The following MITF variants were observed in gnomAD, a reference collection of about 807,000 sequenced individuals.
MITF encodes the protein melanocyte inducing transcription factor, also known as microphthalmia-associated transcription factor.
A neutral mutation model predicts 60.5 loss-of-function variants in MITF; 17 were observed. The ratio of observed to expected loss-of-function variants is 0.28; its 90% CI spans 0.19 to 0.42. MITF has a LOEUF of 0.42. Ranked by LOEUF, MITF falls within the 10% of genes least tolerant of loss-of-function variation. The probability of loss-of-function intolerance (pLI) is 1.00; values close to 1 mark genes in which losing one functional copy is unlikely to be tolerated. For synonymous variants in MITF, 260 were observed against 248.5 expected (o/e 1.05, Z -0.43); for missense variants, 622 against 683.5 (o/e 0.91, Z 1.00).
At chr3:69,810,675 G>A (rs1465181504) in intron 1 of MITF, among the ~76,000 whole-genome samples, 1 of 152,124 alleles carries the variant, frequency 6.6e-6, no homozygotes, top group Non-Finnish European at 1.5e-5. Flanking sequence ...CAGTGACAAG[G>A]AAATAATAAT....
chr3:69,799,495 C>G (rs567951425), intron 1 of MITF, among the ~76,000 whole-genome samples: 1 of 152,194 alleles, frequency 6.6e-6, no homozygotes, highest in South Asian at 2.1e-4. Flanking sequence ...TTACAATATT[C>G]TTTTTACCTG....
chr3:69,919,776 C>A (rs1392456463), intron 2 of MITF, among the ~76,000 whole-genome samples: 1 of 151,030 alleles, frequency 6.6e-6, no homozygotes, highest in African/African-American at 2.4e-5. Context: ...AATAACTTTT[C>A]AAAATGTAGG....
intron 5 of MITF, among the ~76,000 whole-genome samples, chr3:69,942,669 C>T (rs989619262): frequency 2.6e-5 from 4 of 152,052 alleles, no homozygotes; most frequent in Non-Finnish European, 4.4e-5. Context: ...CCATACTCTC[C>T]GAACCTCTTG....
chr3:69,839,091 C>A (rs79563518), intron 1 of MITF, among the ~76,000 whole-genome samples: 25,091 of 151,932 alleles, frequency 0.17, 2,198 homozygotes, highest in South Asian at 0.21. Flanking sequence ...CACAGTTTTT[C>A]ATTTTTTTCA....
intron 1 of MITF, among the ~76,000 whole-genome samples, chr3:69,843,908 G>A (rs559328730): frequency 1.3e-5 from 2 of 152,114 alleles, no homozygotes; most frequent in African/African-American, 4.8e-5. Context: ...CCCGCCCCAC[G>A]ATAGACCCCG....
intron 1 of MITF, among the ~76,000 whole-genome samples, chr3:69,863,987 T>C (rs2064064499): frequency 6.6e-6 from 1 of 152,232 alleles, no homozygotes. Flanking sequence ...TTTCTCTTAG[T>C]TCTCTAGATT....
intron 1 of MITF, among the ~76,000 whole-genome samples, chr3:69,796,539 G>A (rs1196912089): frequency 1.0e-4 from 12 of 117,226 alleles, no homozygotes; most frequent in Admixed American, 7.6e-4. Flanking sequence ...TCGCTCTGTC[G>A]CCCAGGCCGG....
At chr3:69,867,963 T>C (rs2064148316) in intron 1 of MITF, among the ~76,000 whole-genome samples, 1 of 152,220 alleles carries the variant, frequency 6.6e-6, no homozygotes, top group South Asian at 2.1e-4. Flanking sequence ...GCGTATTCTT[T>C]TAGGAGAGCA....
At chr3:69,824,319 A>G (rs976823212) in intron 1 of MITF, among the ~76,000 whole-genome samples, 17 of 152,166 alleles carry the variant, frequency 1.1e-4, no homozygotes, top group African/African-American at 3.6e-4. Flanking sequence ...TATCCAGGGT[A>G]GTACTCACAA....
intron 1 of MITF, chr3:69,866,393 G>A (rs369178909): frequency 9.2e-5 from 148 of 1,608,452 alleles, no homozygotes; most frequent in Non-Finnish European, 1.2e-4. Context: ...CACTTAAGAG[G>A]AGCAGTTTTT....
At chr3:69,746,689 T>G (rs1468070253) in intron 1 of MITF, among the ~76,000 whole-genome samples, 2 of 152,206 alleles carry the variant, frequency 1.3e-5, no homozygotes, top group Non-Finnish European at 2.9e-5. Context: ...CTTTTGATAT[T>G]ATAAAGGCAA....
chr3:69,771,297 A>C (rs1326567543), intron 1 of MITF, among the ~76,000 whole-genome samples: 1 of 151,946 alleles, frequency 6.6e-6, no homozygotes, highest in African/African-American at 2.4e-5. Flanking sequence ...CTCTGATTTA[A>C]ATTGGGCAAA....
In MITF at chr3:69,739,513, C is replaced by CG; in HGVS notation, c.-80dup. 1 of 1,279,794 alleles carries CG rather than the reference C, an allele frequency of 7.8e-7. No homozygotes were observed. The highest frequency in any genetic ancestry group is 1.1e-6 in the Non-Finnish European group (1 of 901,594). 79.3% of individuals were successfully genotyped at this position (1,279,794 alleles called of 1,614,324 possible). ...CGGCACTGCGCCGGGGCGCACGGCT[C>CG]GGGGGACCCAGGCCCAGCTACCTTC... On this transcript the variant is annotated 5_prime_UTR_variant, in exon 1 of 10. Transcript: ENST00000352241.
At chr3:69,939,573 C>T (rs2065923674) in intron 4 of MITF, among the ~76,000 whole-genome samples, 1 of 151,888 alleles carries the variant, frequency 6.6e-6, no homozygotes, top group Admixed American at 6.6e-5. Flanking sequence ...TCTCATGGAA[C>T]ATACATTTTG....
At chr3:69,850,040 A>T (rs1275120716) in intron 1 of MITF, among the ~76,000 whole-genome samples, 3 of 152,176 alleles carry the variant, frequency 2.0e-5, no homozygotes, top group Non-Finnish European at 4.4e-5. Context: ...TTTTCTCTGA[A>T]GTCTGTAGTT....
chr3:69,943,477 GGT>G (rs1386637600), intron 5 of MITF, among the ~76,000 whole-genome samples: 3 of 151,818 alleles, frequency 2.0e-5, no homozygotes, highest in Non-Finnish European at 4.4e-5. Context: ...CAACTCACTT[GGT>G]AAAGCATCTG....
At chr3:69,903,491 A>T (rs951165488) in intron 2 of MITF, among the ~76,000 whole-genome samples, 1 of 152,010 alleles carries the variant, frequency 6.6e-6, no homozygotes, top group Non-Finnish European at 1.5e-5. Context: ...TGGACAGGGG[A>T]GGCATTGAGC....
At chr3:69,752,599 A>G (rs1393058800) in intron 1 of MITF, among the ~76,000 whole-genome samples, 2 of 152,228 alleles carry the variant, frequency 1.3e-5, no homozygotes, top group African/African-American at 4.8e-5. Context: ...CAAAGTATTC[A>G]AGATGTAGCC....
chr3:69,859,974 C>T lies in MITF; in HGVS notation c.105-19160C>T, dbSNP rs1233794287. On this transcript the variant is annotated intron_variant, in intron 1 of 9. Coordinates refer to ENST00000352241, the MANE Select transcript of MITF (RefSeq NM_001354604.2). ...GCCTTATCTTTTCCTGTTTACTTAC[C>T]TTGATAAGATAGTAAATTGCATTTT... 2.0e-5 allele frequency among the ~76,000 whole-genome samples: 3 copies of T among 152,218 alleles called. No individual in the cohort carries two copies. In the East Asian group the frequency reaches 5.8e-4, roughly 30 times the overall value.
Sources: allele counts gnomAD v4.1 joint callset (sites outside exome capture counted in the v4.1 genomes callset), GRCh38; gene constraint gnomAD v4.1.1; transcripts MANE v1.5; gene names NCBI Gene and HGNC (gene_info 2026-07-23, HGNC 2026-07-21).